VAV2: variants seen among roughly 807,000 people sequenced by gnomAD.
VAV2 encodes the protein vav guanine nucleotide exchange factor 2.
A neutral mutation model predicts 132.5 loss-of-function variants in VAV2; 67 were observed. The ratio of observed to expected loss-of-function variants is 0.51; its 90% CI spans 0.42 to 0.62. The LOEUF (loss-of-function observed/expected upper bound fraction) is 0.62, where lower values mean the gene tolerates loss of function less well. Ranked by LOEUF, VAV2 falls within the 20% of genes least tolerant of loss-of-function variation. The probability of loss-of-function intolerance (pLI) is 0.00; values close to 1 mark genes in which losing one functional copy is unlikely to be tolerated. For synonymous variants in VAV2, 492 were observed against 443.5 expected (o/e 1.11, Z -1.37); for missense variants, 938 against 1,153.6 (o/e 0.81, Z 2.71).
chr9:133,967,590 T>C (rs1401290498), intron 1 of VAV2, among the ~76,000 whole-genome samples: 3 of 152,146 alleles, frequency 2.0e-5, no homozygotes, highest in Non-Finnish European at 1.5e-5. Flanking sequence ...GCAATGTGGA[T>C]GGAACTAGAG....
chr9:133,805,538 C>T (rs1835100138), intron 9 of VAV2, among the ~76,000 whole-genome samples: 1 of 146,290 alleles, frequency 6.8e-6, no homozygotes, highest in Non-Finnish European at 1.5e-5. Flanking sequence ...CATTGTCTAA[C>T]CCCCAGAAAC....
intron 2 of VAV2, among the ~76,000 whole-genome samples, chr9:133,871,532 C>A (rs1311994974): frequency 6.6e-6 from 1 of 151,632 alleles, no homozygotes; most frequent in African/African-American, 2.4e-5. Flanking sequence ...TAGATGGATG[C>A]CGACTCAGAG....
Position 133,834,943 on chromosome 9 carries a change from G to C in VAV2, c.381-603C>G, listed in dbSNP as rs1836407271. ...ATCCACAGCCTCCCCTCCTACAAAG[G>C]GAGCAGAAGCCCCATGGGGTCTCCC... On this transcript the variant is annotated intron_variant, in intron 3 of 29. Coordinates refer to ENST00000371850, the MANE Select transcript of VAV2 (RefSeq NM_001134398.2). The surrounding 1 kb of genome is among the most constrained non-coding windows in gnomAD (Gnocchi z 5.9). Among the ~76,000 whole-genome samples the C allele has an allele frequency of 6.6e-6, 1 of 152,122 alleles. No individual in the cohort carries two copies. The highest frequency in any genetic ancestry group is 2.4e-5 in the African/African-American group (1 of 41,408).
At chr9:133,940,093 G>A (rs571422119) in intron 1 of VAV2, among the ~76,000 whole-genome samples, 56 of 152,192 alleles carry the variant, frequency 3.7e-4, no homozygotes, top group Non-Finnish European at 7.1e-4. Context: ...GAATCACTCG[G>A]GCCCCAGGTT....
intron 18 of VAV2, 123 bp from the exon 19 acceptor site, chr9:133,783,714 T>A (rs965566986): frequency 3.7e-6 from 3 of 809,484 alleles, no homozygotes; most frequent in Non-Finnish European, 4.2e-6. Flanking sequence ...AGCACACACA[T>A]CCCTCATAGC....
At chr9:133,881,442 A>G (rs1838492801) in intron 2 of VAV2, among the ~76,000 whole-genome samples, 1 of 152,214 alleles carries the variant, frequency 6.6e-6, no homozygotes, top group East Asian at 1.9e-4. Flanking sequence ...GAGGCCCTGC[A>G]TGAAGGCTGC....
rs1833583084 is a variant in VAV2, at chr9:133,770,472, T to G, written c.2253A>C (p.Ser751=). The part of the protein sequence containing the change: ...LELVEYYQCH[S]LKESFKQLDT... ...CCAGCTGCTTGAAGCTCTCCTTCAG[T>G]GAGTGGCACTGGTAGTACTCCACCA... The change falls in exon 27 of 30, where the codon TCA becomes TCC. Residue 751 remains serine, a synonymous_variant. Coordinates refer to ENST00000371850, the MANE Select transcript of VAV2 (RefSeq NM_001134398.2). 2 of 1,614,026 alleles carry G rather than the reference T, an allele frequency of 1.2e-6. No homozygotes were observed. The highest frequency in any genetic ancestry group is 2.7e-5 in the African/African-American group (2 of 74,938).
intron 29 of VAV2, among the ~76,000 whole-genome samples, chr9:133,765,907 A>G (rs914922996): frequency 6.6e-6 from 1 of 152,166 alleles, no homozygotes; most frequent in African/African-American, 2.4e-5. Context: ...GACACTTTTA[A>G]GTTGAAATTT....
chr9:133,798,877 C>T (rs776606697), intron 9 of VAV2, among the ~76,000 whole-genome samples: 57 of 152,346 alleles, frequency 3.7e-4, no homozygotes, highest in Admixed American at 8.5e-4. Flanking sequence ...CCGGACCCAG[C>T]GTCCTGGTGA....
intron 9 of VAV2, among the ~76,000 whole-genome samples, chr9:133,800,492 C>T (rs368387659): frequency 3.1e-4 from 47 of 152,324 alleles, no homozygotes; most frequent in African/African-American, 1.0e-3. Flanking sequence ...GCCCGAGGGA[C>T]ACCACACTGC....
At chr9:133,780,086 C>T in intron 20 of VAV2, 147 bp from the exon 21 acceptor site, 1 of 1,051,198 alleles carries the variant, frequency 9.5e-7, no homozygotes, top group Non-Finnish European at 1.4e-6. Flanking sequence ...GGACACTGTT[C>T]CCTATGGGAC....
chr9:133,855,056 A>C (rs1264447420), intron 3 of VAV2, among the ~76,000 whole-genome samples: 1 of 151,702 alleles, frequency 6.6e-6, no homozygotes, highest in Non-Finnish European at 1.5e-5. Context: ...CAGATGGAAG[A>C]AAAAGGGACA....
At chr9:133,881,255 C>T (rs913057059) in intron 2 of VAV2, among the ~76,000 whole-genome samples, 13 of 152,278 alleles carry the variant, frequency 8.5e-5, no homozygotes, top group African/African-American at 2.7e-4. Flanking sequence ...GCGGCCTTCC[C>T]GCAGGCATGA....
chr9:133,908,719 C>T (rs750458510), intron 2 of VAV2, among the ~76,000 whole-genome samples: 1 of 152,260 alleles, frequency 6.6e-6, no homozygotes, highest in Non-Finnish European at 1.5e-5. Context: ...GCTGGGAGGG[C>T]GTCCCCACGC....
At chr9:133,971,695 C>T (rs1842339528) in intron 1 of VAV2, among the ~76,000 whole-genome samples, 1 of 152,138 alleles carries the variant, frequency 6.6e-6, no homozygotes, top group Admixed American at 6.5e-5. Context: ...GGACAGGGGC[C>T]CCAGGAGCTG....
chr9:133,817,415 G>A (rs1835600923), intron 4 of VAV2, among the ~76,000 whole-genome samples: 1 of 152,184 alleles, frequency 6.6e-6, no homozygotes, highest in Admixed American at 6.5e-5. Context: ...CACTTTGGGA[G>A]GCCGAGGTGG....
intron 3 of VAV2, among the ~76,000 whole-genome samples, chr9:133,858,329 G>T (rs1390333557): frequency 6.6e-6 from 1 of 152,184 alleles, no homozygotes; most frequent in Non-Finnish European, 1.5e-5. Flanking sequence ...CACCAGTGAG[G>T]ACCCGCACTC....
At position 133,872,919 on chromosome 9, in the gene VAV2, C is replaced by T. The variant is rs909313220; in HGVS notation, c.322-11487G>A. 3.9e-5 allele frequency among the ~76,000 whole-genome samples: 6 copies of T among 152,206 alleles called. No homozygotes were observed. The South Asian group carries it at 1.2e-3, about 32-fold the overall frequency. On this transcript the variant is annotated intron_variant, in intron 2 of 29. Coordinates refer to ENST00000371850, the MANE Select transcript of VAV2 (RefSeq NM_001134398.2). Reference sequence around the variant, plus strand: ...CTTGAAGCTAGAAGTTCTAGACCAGCCTGGGCAACGTGGTGAAACCCCATC... The same window carrying T: ...CTTGAAGCTAGAAGTTCTAGACCAGTCTGGGCAACGTGGTGAAACCCCATC...
chr9:133,959,692 A>C (rs1352016509), intron 1 of VAV2, among the ~76,000 whole-genome samples: 1 of 152,118 alleles, frequency 6.6e-6, no homozygotes, highest in Non-Finnish European at 1.5e-5. Flanking sequence ...TGAGGTAAGG[A>C]CCTCAAGAAG....
Sources: allele counts gnomAD v4.1 joint callset (sites outside exome capture counted in the v4.1 genomes callset), GRCh38; gene constraint gnomAD v4.1.1; non-coding constraint Gnocchi (gnomAD v3.1); transcripts MANE v1.5; gene names NCBI Gene and HGNC (gene_info 2026-07-23, HGNC 2026-07-21).